Variants in BABAM2 observed in about 807,000 individuals in gnomAD.
The protein encoded by BABAM2 is BRISC and BRCA1-A complex member 2.
A neutral mutation model predicts 54.7 loss-of-function variants in BABAM2; 31 were observed. The ratio of observed to expected loss-of-function variants is 0.57; its 90% CI spans 0.43 to 0.77. The LOEUF is 0.77. BABAM2 is among the 30% of genes least tolerant of loss of function. BABAM2 has a pLI of 0.00. For missense variants in BABAM2, 364 were observed against 455.8 expected (o/e 0.80, Z 1.83); for synonymous variants, 167 against 162.9 (o/e 1.03, Z -0.19).
intron 6 of BABAM2, among the ~76,000 whole-genome samples, chr2:28,110,637 TAAATA>T (rs913519986): frequency 6.6e-6 from 1 of 151,446 alleles, no homozygotes; most frequent in Non-Finnish European, 1.5e-5. Context: ...AAAAAATAAA[TAAATA>T]AAATAAAATA....
chr2:28,186,705 C>G (rs1378222339), intron 7 of BABAM2, among the ~76,000 whole-genome samples: 2 of 151,682 alleles, frequency 1.3e-5, no homozygotes, highest in Admixed American at 6.6e-5. Flanking sequence ...AGAAGCGAAG[C>G]GAAGCAAGGC....
rs1675520996 is a variant in BABAM2, at chr2:28,024,655, A to G, written c.301-571A>G. 3.9e-5 allele frequency among the ~76,000 whole-genome samples: 6 copies of G among 152,088 alleles called. No individual in the cohort carries two copies. In the South Asian group the frequency reaches 1.2e-3, roughly 31 times the overall value. On this transcript the variant is annotated intron_variant, in intron 4 of 11. Coordinates refer to ENST00000379624, the MANE Select transcript of BABAM2 (RefSeq NM_199191.3). ...AGTGACTGACGGATGAACTGTGGTTATTCAGATTTGCGCATTTGGCAGACA... is the reference window on the plus strand; with the variant it reads ...AGTGACTGACGGATGAACTGTGGTTGTTCAGATTTGCGCATTTGGCAGACA...
At chr2:28,154,828 G>A (rs555558135) in intron 7 of BABAM2, among the ~76,000 whole-genome samples, 97 of 152,298 alleles carry the variant, frequency 6.4e-4, no homozygotes, top group African/African-American at 2.3e-3. Flanking sequence ...TGGGAGATAT[G>A]TCAACAGTGT....
intron 7 of BABAM2, among the ~76,000 whole-genome samples, chr2:28,194,927 A>G (rs1200248974): frequency 6.6e-6 from 1 of 152,164 alleles, no homozygotes; most frequent in East Asian, 1.9e-4. Context: ...AATTCCTGGC[A>G]TCACGTGATC....
chr2:27,911,800 C>T (rs1666623875), intron 2 of BABAM2, among the ~76,000 whole-genome samples: 1 of 152,148 alleles, frequency 6.6e-6, no homozygotes, highest in Non-Finnish European at 1.5e-5. Flanking sequence ...ATCTGTTTTC[C>T]ACTAGCAGCC....
chr2:28,323,686 G>A (rs528784311), intron 11 of BABAM2, among the ~76,000 whole-genome samples: 1 of 152,138 alleles, frequency 6.6e-6, no homozygotes, highest in Admixed American at 6.5e-5. Context: ...TACCTCCCCT[G>A]TGACAGCAAG....
intron 6 of BABAM2, among the ~76,000 whole-genome samples, chr2:28,104,418 G>A (rs1393972047): frequency 6.6e-6 from 1 of 152,304 alleles, no homozygotes; most frequent in South Asian, 2.1e-4. Flanking sequence ...CATTTATGCA[G>A]CCAAAAAACA....
chr2:28,183,364 C>G (rs930820229), intron 7 of BABAM2, among the ~76,000 whole-genome samples: 1 of 152,134 alleles, frequency 6.6e-6, no homozygotes, highest in African/African-American at 2.4e-5. Flanking sequence ...TTGCTTGAAC[C>G]TGGGAGGCAG....
At chr2:28,066,545 G>C (rs1663595643) in intron 6 of BABAM2, among the ~76,000 whole-genome samples, 1 of 152,128 alleles carries the variant, frequency 6.6e-6, no homozygotes, top group Non-Finnish European at 1.5e-5. Flanking sequence ...TAGGAATTTG[G>C]GATTGAGTTA....
chr2:28,008,252 A>C (rs192008408), intron 4 of BABAM2, among the ~76,000 whole-genome samples: 14 of 152,288 alleles, frequency 9.2e-5, no homozygotes, highest in Admixed American at 7.2e-4. Flanking sequence ...AACTTCAGCT[A>C]TTCTTTTGCT....
At chr2:27,926,689 C>T (rs185824594) in intron 2 of BABAM2, among the ~76,000 whole-genome samples, 53 of 152,220 alleles carry the variant, frequency 3.5e-4, no homozygotes, top group Admixed American at 1.5e-3. Context: ...TCTTCTCTGT[C>T]TCGTCAGTCC....
At chr2:28,248,173 C>CT (rs1683064687) in intron 10 of BABAM2, among the ~76,000 whole-genome samples, 1 of 146,614 alleles carries the variant, frequency 6.8e-6, no homozygotes, top group Admixed American at 6.8e-5. Context: ...TAGATGTTAC[C>CT]TTTAAGCTAG....
At chr2:28,068,082 A>G (rs1339805816) in intron 6 of BABAM2, among the ~76,000 whole-genome samples, 1 of 152,104 alleles carries the variant, frequency 6.6e-6, no homozygotes, top group Non-Finnish European at 1.5e-5. Context: ...CAATTGTAGC[A>G]ATTAAAATCT....
chr2:28,201,827 G>A (rs1446655477), intron 7 of BABAM2, among the ~76,000 whole-genome samples: 1 of 152,150 alleles, frequency 6.6e-6, no homozygotes, highest in Non-Finnish European at 1.5e-5. Context: ...GTTGCAAAAT[G>A]AAGACAAAGC....
At position 28,026,988 on chromosome 2, in the gene BABAM2, A is replaced by AT. The variant is rs1558668310; in HGVS notation, c.495+1568_495+1569insT. 6.3e-3 allele frequency among the ~76,000 whole-genome samples: 718 copies of AT among 114,278 alleles called. 8 individuals are homozygous for AT. Among genetic ancestry groups the AT allele is most frequent in the South Asian group, 0.022 (88 of 4,060 alleles). 75.0% of individuals were successfully genotyped at this position (114,278 alleles called of 152,430 possible). On this transcript the variant is annotated intron_variant, in intron 5 of 11. Coordinates refer to ENST00000379624, the MANE Select transcript of BABAM2 (RefSeq NM_199191.3). ...TATATATAAATATATAAATATATAT[A>AT]AAAATATATAAATATATATATAAAA...
chr2:28,275,190 C>T (rs564970077), intron 10 of BABAM2, among the ~76,000 whole-genome samples: 12 of 152,314 alleles, frequency 7.9e-5, no homozygotes, highest in Admixed American at 2.6e-4. Context: ...AGGTTGTTCA[C>T]GTGGCCATTT....
intron 7 of BABAM2, among the ~76,000 whole-genome samples, chr2:28,193,826 A>C (rs1677204506): frequency 6.6e-6 from 1 of 152,138 alleles, no homozygotes; most frequent in Admixed American, 6.5e-5. Context: ...TAGTCAACAG[A>C]TGCTTGCTAA....
intron 3 of BABAM2, among the ~76,000 whole-genome samples, chr2:27,979,870 A>C (rs568354609): frequency 1.1e-4 from 17 of 152,260 alleles, no homozygotes; most frequent in Middle Eastern, 3.4e-3. Context: ...GTAATTAGGG[A>C]GTAGGAGATA....
At chr2:28,008,182 A>G (rs1460837268) in intron 4 of BABAM2, among the ~76,000 whole-genome samples, 2 of 152,196 alleles carry the variant, frequency 1.3e-5, no homozygotes, top group African/African-American at 4.8e-5. Context: ...TCTTATGAAC[A>G]TTAGTGGGTG....
Sources: gnomAD v4.1 joint callset for allele counts (sites outside exome capture counted in the v4.1 genomes callset) on GRCh38, gnomAD v4.1.1 for gene constraint, MANE v1.5 for transcripts, NCBI Gene and HGNC (gene_info 2026-07-23, HGNC 2026-07-21) for gene names.